Variants in COL25A1 observed in about 807,000 individuals in gnomAD.
The protein encoded by COL25A1 is collagen alpha-1(XXV) chain.
A neutral mutation model predicts 128.4 loss-of-function variants in COL25A1; 103 were observed. That is an observed-to-expected ratio of 0.80 (90% confidence interval 0.68 to 0.94). The LOEUF (loss-of-function observed/expected upper bound fraction) is 0.94, where lower values mean the gene tolerates loss of function less well. COL25A1 is among the 40% of genes least tolerant of loss of function. The probability of loss-of-function intolerance (pLI) is 0.00; values close to 1 mark genes in which losing one functional copy is unlikely to be tolerated. For missense variants in COL25A1, 745 were observed against 840.0 expected, an observed-to-expected ratio of 0.89 and a Z score of 1.40; for synonymous variants, 279 against 277.2, an observed-to-expected ratio of 1.01 and a Z score of -0.06.
chr4:109,088,019 C>T (rs1764563353), intron 3 of COL25A1, among the ~76,000 whole-genome samples: 1 of 150,542 alleles, frequency 6.6e-6, no homozygotes, highest in South Asian at 2.1e-4. Flanking sequence ...TCTAAGTTTC[C>T]TTTTTTATTG....
chr4:109,301,797 T>C lies in COL25A1; in HGVS notation c.223A>G (p.Ile75Val), dbSNP rs751418507. ...TCCAGGGTATCAGGCAGCAGATGAA[T>C]GGAAGGGGCCCCTTTGGCGGATTCG... Reference protein sequence around the residue: ...ALESAKGAPSIHLLPDTLDHL... With the variant: ...ALESAKGAPSVHLLPDTLDHL... Residue 75 changes from isoleucine (I) to valine (V), a missense_variant, in exon 2 of 38, where the codon ATT (isoleucine) becomes GTT (valine). Transcript: ENST00000399132. 1.2e-6 allele frequency: 2 copies of C among 1,614,192 alleles called. No individual in the cohort carries two copies. The highest frequency in any genetic ancestry group is 1.7e-6 in the Non-Finnish European group (2 of 1,180,020).
intron 37 of COL25A1, among the ~76,000 whole-genome samples, chr4:108,816,947 A>G (rs1296267805): frequency 2.0e-5 from 3 of 152,208 alleles, no homozygotes; most frequent in East Asian, 1.9e-4. Context: ...TTTTTCCTAC[A>G]TAAGTCAAGA....
rs147552152 is a variant in COL25A1, at chr4:109,166,643, C to T, written c.368-116464G>A. On this transcript the variant is annotated intron_variant, in intron 3 of 37. Coordinates refer to ENST00000399132, the MANE Select transcript of COL25A1 (RefSeq NM_198721.4). ...TGCACTCCACTGATCTGTGTAAAATCATAGCTAACAACAACGTATATTTAC... is the reference window on the plus strand; with the variant it reads ...TGCACTCCACTGATCTGTGTAAAATTATAGCTAACAACAACGTATATTTAC... Among the ~76,000 whole-genome samples, 28 of 152,268 alleles carry T rather than the reference C, an allele frequency of 1.8e-4. No individual in the cohort carries two copies. In the East Asian group the frequency reaches 3.7e-3, roughly 20 times the overall value.
At chr4:108,925,385 C>A (rs1330364291) in intron 11 of COL25A1, among the ~76,000 whole-genome samples, 1 of 151,924 alleles carries the variant, frequency 6.6e-6, no homozygotes, top group Non-Finnish European at 1.5e-5. Context: ...GTGAAGCTCT[C>A]AGTGATAAAG....
At chr4:109,229,911 T>C (rs983075561) in intron 3 of COL25A1, among the ~76,000 whole-genome samples, 2 of 152,174 alleles carry the variant, frequency 1.3e-5, no homozygotes, top group Admixed American at 6.5e-5. Context: ...GTACAGGAAG[T>C]GCAGGGGCAT....
intron 3 of COL25A1, among the ~76,000 whole-genome samples, chr4:109,069,742 T>C (rs1055042662): frequency 5.9e-5 from 9 of 152,170 alleles, no homozygotes; most frequent in African/African-American, 2.2e-4. Context: ...CATATCCCTC[T>C]ATGGCGCTAT....
chr4:109,276,497 T>G (rs1265173585), intron 3 of COL25A1, among the ~76,000 whole-genome samples: 1 of 152,040 alleles, frequency 6.6e-6, no homozygotes, highest in Non-Finnish European at 1.5e-5. Context: ...ATTTATAGTA[T>G]AATTCTTTGG....
chr4:109,008,755 G>A (rs932573921), intron 6 of COL25A1, among the ~76,000 whole-genome samples: 29 of 41,034 alleles, frequency 7.1e-4, no homozygotes, highest in South Asian at 7.5e-4. Flanking sequence ...ACATGCGCGC[G>A]CACACACACA....
chr4:109,225,900 A>T (rs1778767866), intron 3 of COL25A1, among the ~76,000 whole-genome samples: 1 of 152,020 alleles, frequency 6.6e-6, no homozygotes, highest in Admixed American at 6.6e-5. Flanking sequence ...ATATGTATAC[A>T]TACTTGTTAC....
intron 3 of COL25A1, among the ~76,000 whole-genome samples, chr4:109,283,547 G>A (rs896286059): frequency 2.0e-5 from 3 of 152,098 alleles, no homozygotes; most frequent in African/African-American, 7.2e-5. Context: ...ACAGGCGTGA[G>A]CCCCATCAGC....
chr4:109,205,111 T>C (rs1016879415), intron 3 of COL25A1, among the ~76,000 whole-genome samples: 2 of 152,208 alleles, frequency 1.3e-5, no homozygotes, highest in Non-Finnish European at 2.9e-5. Context: ...AGCTACATCA[T>C]GTGTCTCCAC....
intron 3 of COL25A1, among the ~76,000 whole-genome samples, chr4:109,136,555 G>T (rs35128275): frequency 2.0e-5 from 3 of 152,234 alleles, no homozygotes; most frequent in Non-Finnish European, 2.9e-5. Context: ...ACACACGTGA[G>T]TTAGTCAAAT....
Position 108,850,032 on chromosome 4 carries a change from T to C in COL25A1, c.1390-1229A>G, listed in dbSNP as rs140048328. 2.3e-3 allele frequency among the ~76,000 whole-genome samples: 356 copies of C among 152,244 alleles called. 13 individuals carry two copies. In the East Asian group the frequency reaches 0.053, roughly 23 times the overall value. On this transcript the variant is annotated intron_variant, in intron 26 of 37. Transcript: ENST00000399132. ...TTTGCCACAAACAAGTCTGCTGAGG[T>C]TGGATGCACCTGGCTAAGCCCTAGT... is the stretch of plus-strand genomic sequence containing the variant.
At chr4:109,224,214 G>A (rs1042566583) in intron 3 of COL25A1, among the ~76,000 whole-genome samples, 34 of 152,044 alleles carry the variant, frequency 2.2e-4, no homozygotes, top group African/African-American at 7.0e-4. Context: ...AGGAGGAGGA[G>A]AAAAAAGTAA....
chr4:108,816,182 G>A (rs1413092519), intron 37 of COL25A1, among the ~76,000 whole-genome samples: 1 of 152,172 alleles, frequency 6.6e-6, no homozygotes, highest in Non-Finnish European at 1.5e-5. Flanking sequence ...CGGAGTATGG[G>A]AAGCTACTAA....
chr4:109,214,660 T>C (rs1471361580), intron 3 of COL25A1, among the ~76,000 whole-genome samples: 1 of 151,780 alleles, frequency 6.6e-6, no homozygotes, highest in African/African-American at 2.4e-5. Flanking sequence ...AGGGGCCAAG[T>C]GGAGAAAAAA....
chr4:109,257,405 T>C (rs576345203), intron 3 of COL25A1, among the ~76,000 whole-genome samples: 1 of 152,334 alleles, frequency 6.6e-6, no homozygotes, highest in South Asian at 2.1e-4. Context: ...AAGATGATCA[T>C]GTACAGTTTA....
chr4:109,017,080 GTC>G, intron 5 of COL25A1, among the ~76,000 whole-genome samples: 1 of 152,210 alleles, frequency 6.6e-6, no homozygotes, highest in East Asian at 1.9e-4. Context: ...GATTTCTGGT[GTC>G]TCCAAGTTTC....
At chr4:108,835,809 C>T (rs1033072041) in intron 31 of COL25A1, among the ~76,000 whole-genome samples, 1 of 150,196 alleles carries the variant, frequency 6.7e-6, no homozygotes, top group African/African-American at 2.4e-5. Flanking sequence ...GCCTCCATCT[C>T]CCAAAGTACT....
Sources: allele counts gnomAD v4.1 joint callset (sites outside exome capture counted in the v4.1 genomes callset), GRCh38; gene constraint gnomAD v4.1.1; transcripts MANE v1.5; gene names NCBI Gene and HGNC (gene_info 2026-07-23, HGNC 2026-07-21).